The following MYO18B variants were observed in gnomAD, a reference collection of about 807,000 sequenced individuals.
MYO18B encodes the protein myosin XVIIIB, also known as unconventional myosin-XVIIIb.
A neutral mutation model predicts 273.0 loss-of-function variants in MYO18B; 204 were observed. The observed-to-expected ratio is 0.75, with a 90% confidence interval of 0.67 to 0.84. MYO18B has a LOEUF of 0.84. MYO18B is among the 40% of genes least tolerant of loss of function. The pLI, the probability that MYO18B is intolerant of heterozygous loss-of-function variation, is 0.00. For synonymous variants in MYO18B, 1,330 were observed against 1,305.7 expected (o/e 1.02, Z -0.40); for missense variants, 3,212 against 3,287.6 (o/e 0.98, Z 0.56).
chr22:25,891,622 G>T (rs1469857391), intron 27 of MYO18B, among the ~76,000 whole-genome samples: 1 of 152,200 alleles, frequency 6.6e-6, no homozygotes, highest in Non-Finnish European at 1.5e-5. Flanking sequence ...AATATCCCAG[G>T]TAACAAATTA....
chr22:25,828,771 C>T lies in MYO18B; in HGVS notation c.2787-5C>T. On this transcript the variant is annotated splice_polypyrimidine_tract_variant and splice_region_variant and intron_variant, in intron 14 of 43. Transcript: ENST00000335473. ...AGACATTCCACCTCTCTCTTCTCTCCCTAGATCCTTTTCCTCCCACCATCT... is the reference window on the plus strand; with the variant it reads ...AGACATTCCACCTCTCTCTTCTCTCTCTAGATCCTTTTCCTCCCACCATCT... 1 of 1,612,716 alleles carries T rather than the reference C, an allele frequency of 6.2e-7. No homozygotes were observed. Among genetic ancestry groups the T allele is most frequent in the Non-Finnish European group, 8.5e-7 (1 of 1,179,472 alleles).
At chr22:25,803,162 A>G (rs2088299563) in intron 12 of MYO18B, among the ~76,000 whole-genome samples, 1 of 151,392 alleles carries the variant, frequency 6.6e-6, no homozygotes, top group Non-Finnish European at 1.5e-5. Flanking sequence ...ACGGGGTTTC[A>G]CTGTATTAGC....
At chr22:26,003,497 C>T (rs1201196830) in intron 41 of MYO18B, among the ~76,000 whole-genome samples, 188 bp downstream of exon 41, 1 of 152,176 alleles carries the variant, frequency 6.6e-6, no homozygotes, top group Non-Finnish European at 1.5e-5. Flanking sequence ...TTCTTTTAGA[C>T]AGAAAGAAGC....
At chr22:25,822,871 G>A (rs1322716468) in intron 12 of MYO18B, among the ~76,000 whole-genome samples, 1 of 152,246 alleles carries the variant, frequency 6.6e-6, no homozygotes, top group African/African-American at 2.4e-5. Flanking sequence ...GTTTTGCAAT[G>A]CTTTCCCATA....
chr22:25,906,367 A>G (rs2092043992), intron 31 of MYO18B, among the ~76,000 whole-genome samples: 1 of 152,206 alleles, frequency 6.6e-6, no homozygotes, highest in Admixed American at 6.5e-5. Flanking sequence ...TTAAAGGAAA[A>G]AAAGGCAAGA....
At chr22:25,977,390 G>A (rs1445589563) in intron 39 of MYO18B, among the ~76,000 whole-genome samples, 7 of 152,050 alleles carry the variant, frequency 4.6e-5, no homozygotes, top group Non-Finnish European at 7.3e-5. Flanking sequence ...TCCTGGGACT[G>A]CTGTGAACAT....
intron 32 of MYO18B, 135 bp from the exon 33 acceptor site, chr22:25,910,811 C>A: frequency 1.5e-6 from 1 of 677,270 alleles, no homozygotes; most frequent in Middle Eastern, 3.9e-4. Flanking sequence ...ACACTACCAC[C>A]CAATCACTAG....
Position 25,791,475 on chromosome 22 carries a change from T to G in MYO18B, c.2376+5984T>G, listed in dbSNP as rs573326982. Among the ~76,000 whole-genome samples the G allele has an allele frequency of 5.9e-5, 9 of 152,340 alleles. No homozygotes were observed. The East Asian group carries it at 1.7e-3, about 29-fold the overall frequency. On this transcript the variant is annotated intron_variant, in intron 11 of 43. Transcript: ENST00000335473. ...CCTCTTAGTCCTCACACTGTGCCCT[T>G]GCTGCCTGCCACATTGCAGCTTGTA... is the stretch of plus-strand genomic sequence containing the variant.
intron 39 of MYO18B, among the ~76,000 whole-genome samples, chr22:25,955,694 A>T (rs1210951866): frequency 6.6e-6 from 1 of 152,220 alleles, no homozygotes; most frequent in Non-Finnish European, 1.5e-5. Flanking sequence ...AAAAGAGGAA[A>T]AAACCGGTAT....
the MYO18B span, among the ~76,000 whole-genome samples, chr22:26,057,255 A>G: frequency 6.6e-6 from 1 of 152,210 alleles, no homozygotes; most frequent in African/African-American, 2.4e-5. Context: ...CCACAGATCT[A>G]TATAACGAAT....
At chr22:25,895,028 G>A (rs2146301715) in intron 27 of MYO18B, 128 bp from the exon 28 acceptor site, 1 of 1,151,292 alleles carries the variant, frequency 8.7e-7, no homozygotes, top group Non-Finnish European at 1.2e-6. Context: ...CCAAGGTTGA[G>A]GCTCAAGGGC....
intron 1 of MYO18B, among the ~76,000 whole-genome samples, chr22:25,759,397 A>G (rs2086230847): frequency 6.6e-6 from 1 of 151,898 alleles, no homozygotes; most frequent in Non-Finnish European, 1.5e-5. Context: ...GCTGGAAACC[A>G]TCATTCTCAG....
intron 42 of MYO18B, among the ~76,000 whole-genome samples, chr22:26,009,125 G>T (rs1212730770): frequency 6.6e-6 from 1 of 152,172 alleles, no homozygotes; most frequent in Non-Finnish European, 1.5e-5. Context: ...ATCACTCTCA[G>T]GAGGCAACTC....
In MYO18B at chr22:25,903,554, G is replaced by A; in HGVS notation, c.4948-77G>A. On this transcript the variant is annotated intron_variant, in intron 30 of 43. Coordinates refer to ENST00000335473, the MANE Select transcript of MYO18B (RefSeq NM_032608.7). ...GGAAAACGCCACTCCAGCCCCAGTTGGTTGTAGAGGTATCCCTGGGGGAGG... is the reference window on the plus strand; with the variant it reads ...GGAAAACGCCACTCCAGCCCCAGTTAGTTGTAGAGGTATCCCTGGGGGAGG... 10 of 1,416,994 alleles carry A rather than the reference G, an allele frequency of 7.1e-6. No individual in the cohort carries two copies. The South Asian group carries it at 1.1e-4, about 15-fold the overall frequency. 87.8% of individuals were successfully genotyped at this position (1,416,994 alleles called of 1,614,324 possible). A position where few individuals can be genotyped will look rare whatever the true frequency, so the allele number is the denominator to read the frequency against.
Position 26,004,803 on chromosome 22 carries a change from A to G in MYO18B, c.6418A>G (p.Met2140Val). ...TACTCTGTCCCTGGCCACAGATACT[A>G]TGAGGACTCCTTCTCGACAGTCAGC... ...SCTLSLATDT[M>V]RTPSRQSATS... is the part of the protein sequence containing the mutation. The change falls in exon 42 of 44, where the codon ATG becomes GTG. Residue 2140 changes from methionine (M) to valine (V), a missense_variant. Met to Val is a conservative substitution (Grantham distance 21, BLOSUM62 1). Coordinates refer to ENST00000335473, the MANE Select transcript of MYO18B (RefSeq NM_032608.7). 2.5e-6 allele frequency: 4 copies of G among 1,613,932 alleles called. No homozygotes were observed. The highest frequency in any genetic ancestry group is 3.3e-4 in the Middle Eastern group (2 of 6,062).
At chr22:25,757,914 A>G (rs973489765) in intron 1 of MYO18B, among the ~76,000 whole-genome samples, 2 of 152,202 alleles carry the variant, frequency 1.3e-5, no homozygotes, top group African/African-American at 4.8e-5. Flanking sequence ...GATTCTGCAA[A>G]TGTTTCCCAA....
intron 26 of MYO18B, 61 bp downstream of exon 26, chr22:25,890,936 C>T: frequency 6.4e-7 from 1 of 1,565,400 alleles, no homozygotes; most frequent in South Asian, 1.2e-5. Flanking sequence ...GTTGGGTCTG[C>T]TCCCCGACCC....
Position 26,023,491 on chromosome 22 carries a change from TC to T in MYO18B, c.6471-2952del, listed in dbSNP as rs1569304527. On this transcript the variant is annotated intron_variant, in intron 42 of 43. Transcript: ENST00000335473. The stretch of plus-strand genomic sequence containing the variant: ...TCTTCCTCCTCCCTCCTCCTCCTCC[TC>T]CTCTACCTCCTCCCTCCTCCTCCCT... Among the ~76,000 whole-genome samples, 413 of 149,106 alleles carry T rather than the reference TC, an allele frequency of 2.8e-3. 3 individuals carry two copies. The highest frequency in any genetic ancestry group is 9.8e-3 in the African/African-American group (384 of 39,376).
At chr22:25,940,281 T>A (rs1348090319) in intron 34 of MYO18B, among the ~76,000 whole-genome samples, 2 of 56,934 alleles carry the variant, frequency 3.5e-5, no homozygotes, top group Admixed American at 2.5e-4. Flanking sequence ...AGTGAATAAG[T>A]CTCACGAGAT....
Sources: allele counts gnomAD v4.1 joint callset (sites outside exome capture counted in the v4.1 genomes callset), GRCh38; gene constraint gnomAD v4.1.1; transcripts MANE v1.5; gene names NCBI Gene and HGNC (gene_info 2026-07-23, HGNC 2026-07-21).